The following TUBA1C variants were observed in gnomAD, a reference collection of about 807,000 sequenced individuals.
TUBA1C encodes the protein tubulin alpha-1C chain.
A neutral mutation model predicts 34.9 loss-of-function variants in TUBA1C; 16 were observed. That is an observed-to-expected ratio of 0.46 (90% CI 0.31 to 0.70). TUBA1C has a LOEUF of 0.70. Among genes scored for constraint, TUBA1C ranks in the 30% least tolerant of loss-of-function variants. The pLI is 0.05. For synonymous variants in TUBA1C, 177 were observed against 215.9 expected, an observed-to-expected ratio of 0.82 and a Z score of 1.58; for missense variants, 329 against 587.3, an observed-to-expected ratio of 0.56 and a Z score of 4.55.
upstream of TUBA1C, chr12:49,264,983 G>A: frequency 1.4e-6 from 1 of 704,982 alleles, no homozygotes; most frequent in East Asian, 3.5e-5. Context: ...GGGCTCGAAG[G>A]TGGGGCCGCA....
intron 1 of TUBA1C, among the ~76,000 whole-genome samples, chr12:49,243,347 G>C (rs907180309): frequency 6.6e-6 from 1 of 152,002 alleles, no homozygotes; most frequent in East Asian, 1.9e-4. Context: ...AAGCTAAGGC[G>C]GGAGAATTGG....
At chr12:49,264,521 G>A (rs1942873985), upstream of TUBA1C, 1 of 152,236 alleles carries the variant, frequency 6.6e-6, no homozygotes, top group South Asian at 2.1e-4. Context: ...CCAGGACTCC[G>A]AGGCGGAACC....
intron 1 of TUBA1C, among the ~76,000 whole-genome samples, chr12:49,244,083 G>A (rs962241580): frequency 1.3e-5 from 2 of 151,236 alleles, no homozygotes; most frequent in African/African-American, 4.9e-5. Context: ...CCAGGAGGTG[G>A]AGGTTGCAGT....
chr12:49,254,917 G>A (rs894929411), intron 1 of TUBA1C, among the ~76,000 whole-genome samples: 4 of 152,052 alleles, frequency 2.6e-5, no homozygotes, highest in African/African-American at 9.7e-5. Context: ...CTCTGTGTCA[G>A]GAACTTGGTG....
chr12:49,236,663 AT>A (rs1418526704), intron 1 of TUBA1C, among the ~76,000 whole-genome samples: 2 of 152,234 alleles, frequency 1.3e-5, no homozygotes, highest in Non-Finnish European at 2.9e-5. Context: ...AGGCAATTTC[AT>A]CACTGTGCAA....
chr12:49,269,968 C>T lies in TUBA1C; in HGVS notation c.367C>T (p.Arg123Cys), dbSNP rs755278733. The change falls in exon 3 of 4, where the codon CGC becomes TGC. Residue 123 changes from arginine to cysteine, a missense_variant. Around this residue, in one of 4 missense-constraint regions of TUBA1C, gnomAD observed 152 missense variants for 240.3 expected, o/e 0.63. Coordinates refer to ENST00000301072, the MANE Select transcript of TUBA1C (RefSeq NM_032704.5). The part of the protein sequence containing the change: ...EIIDLVLDRI[R>C]KLADQCTGLQ... ...CATTGACCTCGTGTTGGACCGAATT[C>T]GCAAGCTGGTAAGTATAGTACTTTA... The T allele has an allele frequency of 5.0e-6, 8 of 1,614,086 alleles. No homozygotes were observed. The highest frequency in any genetic ancestry group is 3.3e-4 in the Middle Eastern group (2 of 6,078).
chr12:49,250,952 A>C (rs753895139), intron 1 of TUBA1C, among the ~76,000 whole-genome samples: 3 of 152,144 alleles, frequency 2.0e-5, no homozygotes, highest in Non-Finnish European at 2.9e-5. Flanking sequence ...CACACCTGTA[A>C]TCCCAGCACT....
At chr12:49,241,943 C>T (rs1242472280) in intron 1 of TUBA1C, among the ~76,000 whole-genome samples, 1 of 151,824 alleles carries the variant, frequency 6.6e-6, no homozygotes, top group Non-Finnish European at 1.5e-5. Context: ...AGCCACTGTG[C>T]CCAGCCTTTA....
Position 49,228,302 on chromosome 12 carries a change from T to C in TUBA1C, c.213+136T>C, listed in dbSNP as rs1303166720. The C allele has an allele frequency of 7.3e-6, 6 of 817,980 alleles. No individual in the cohort carries two copies. In the Admixed American group the frequency reaches 1.8e-4, roughly 24 times the overall value. 50.7% of individuals were successfully genotyped at this position (817,980 alleles called of 1,614,324 possible). ...TGTTTAATTATATTGGTGGCATTAG[T>C]GTTTATCTTATTATTTCTGCAATCC... On this transcript the variant is annotated intron_variant, in intron 1 of 3. Coordinates refer to the TUBA1C transcript ENST00000541364.
intron 1 of TUBA1C, chr12:49,233,072 CCCT>C (rs1942513642): frequency 6.6e-6 from 1 of 152,180 alleles, no homozygotes; most frequent in Non-Finnish European, 1.5e-5. Flanking sequence ...AAGTGGCCAC[CCCT>C]CCCCGCTGGG....
chr12:49,244,721 G>A (rs1942650688), intron 1 of TUBA1C, among the ~76,000 whole-genome samples: 1 of 151,992 alleles, frequency 6.6e-6, no homozygotes, highest in East Asian at 1.9e-4. Flanking sequence ...TAATATCAAA[G>A]AGTTTTCATG....
intron 1 of TUBA1C, among the ~76,000 whole-genome samples, chr12:49,246,642 T>G (rs1293358843): frequency 3.3e-5 from 5 of 151,424 alleles, no homozygotes; most frequent in Non-Finnish European, 5.9e-5. Context: ...ACCACTGCAC[T>G]CTAGCCTGGG....
chr12:49,237,971 T>C (rs1408485451), intron 1 of TUBA1C, among the ~76,000 whole-genome samples: 1 of 151,766 alleles, frequency 6.6e-6, no homozygotes, highest in Non-Finnish European at 1.5e-5. Context: ...TAGCTGGGCA[T>C]GGTGGTGGGC....
chr12:49,245,098 C>T (rs920463552), intron 1 of TUBA1C, among the ~76,000 whole-genome samples: 2 of 152,152 alleles, frequency 1.3e-5, no homozygotes, highest in Non-Finnish European at 2.9e-5. Flanking sequence ...TTTGATAAGA[C>T]AGTTTCAGTA....
At chr12:49,264,280 A>G (rs1290867745), upstream of TUBA1C, among the ~76,000 whole-genome samples, 1 of 152,128 alleles carries the variant, frequency 6.6e-6, no homozygotes, top group Non-Finnish European at 1.5e-5. Flanking sequence ...TAAGCTATTC[A>G]TTATCCTAAT....
intron 1 of TUBA1C, among the ~76,000 whole-genome samples, chr12:49,269,049 G>A (rs976572957): frequency 6.6e-6 from 1 of 152,132 alleles, no homozygotes; most frequent in African/African-American, 2.4e-5. Flanking sequence ...AGCAGGAGTG[G>A]CCTGCTGAAA....
At chr12:49,247,063 C>CCT (rs767297526) in intron 1 of TUBA1C, among the ~76,000 whole-genome samples, 8 of 151,148 alleles carry the variant, frequency 5.3e-5, no homozygotes, top group Non-Finnish European at 1.2e-4. Flanking sequence ...TTGCATGAAC[C>CCT]CAGGAGATGG....
At chr12:49,234,498 G>A (rs2136987094) in intron 1 of TUBA1C, among the ~76,000 whole-genome samples, 1 of 152,346 alleles carries the variant, frequency 6.6e-6, no homozygotes, top group African/African-American at 2.4e-5. Context: ...TGCTTCCTTG[G>A]TTAGTACGGT....
chr12:49,246,762 T>C (rs910922094), intron 1 of TUBA1C, among the ~76,000 whole-genome samples: 1 of 152,188 alleles, frequency 6.6e-6, no homozygotes, highest in Non-Finnish European at 1.5e-5. Flanking sequence ...AACTGGCTTA[T>C]GGCATTTCAG....
Sources: allele counts gnomAD v4.1 joint callset (sites outside exome capture counted in the v4.1 genomes callset), GRCh38; gene constraint gnomAD v4.1.1; regional missense constraint gnomAD v4.1.1; transcripts MANE v1.5; gene names NCBI Gene and HGNC (gene_info 2026-07-23, HGNC 2026-07-21).